The following NTRK3 variants were observed in gnomAD, a reference collection of about 807,000 sequenced individuals.
The protein encoded by NTRK3 is NT-3 growth factor receptor.
A neutral mutation model predicts 91.7 loss-of-function variants in NTRK3; 24 were observed. The ratio of observed to expected loss-of-function variants is 0.26; its 90% CI spans 0.19 to 0.37. The LOEUF is 0.37. NTRK3 is among the 10% of genes least tolerant of loss of function. The pLI, the probability that NTRK3 is intolerant of heterozygous loss-of-function variation, is 1.00. For synonymous variants in NTRK3, 483 were observed against 404.0 expected, an observed-to-expected ratio of 1.20 and a Z score of -2.34; for missense variants, 880 against 1,068.9, an observed-to-expected ratio of 0.82 and a Z score of 2.46.
At chr15:88,110,170 A>G (rs2051172892) in intron 13 of NTRK3, among the ~76,000 whole-genome samples, 1 of 152,104 alleles carries the variant, frequency 6.6e-6, no homozygotes, top group South Asian at 2.1e-4. Flanking sequence ...TCTTAGTGTC[A>G]TGGCATGGAA....
chr15:87,878,397 C>T (rs2065049727), intron 18 of NTRK3, among the ~76,000 whole-genome samples: 1 of 152,202 alleles, frequency 6.6e-6, no homozygotes, highest in Non-Finnish European at 1.5e-5. Context: ...ACTGTGTCAG[C>T]ATCCGCCTGG....
At chr15:88,109,370 G>A (rs2051074285) in intron 13 of NTRK3, among the ~76,000 whole-genome samples, 3 of 152,312 alleles carry the variant, frequency 2.0e-5, no homozygotes, top group African/African-American at 7.2e-5. Context: ...TCGAATCGTG[G>A]TCCTTCATCC....
chr15:87,979,211 C>T lies in NTRK3; in HGVS notation c.1586-38458G>A, dbSNP rs532332768. The T allele has an allele frequency of 2.5e-5, 19 of 767,748 alleles. 1 individual carries two copies. The Middle Eastern group carries it at 7.5e-4, about 30-fold the overall frequency. The allele number at this position is 767,748 out of a possible 1,614,324, so 47.6% of individuals were successfully genotyped here. On this transcript the variant is annotated intron_variant, in intron 14 of 18. Coordinates refer to ENST00000394480, the Ensembl canonical transcript of NTRK3. ...CCCATCTGGTGGTGTTAAAGGGTGC[C>T]GGGGCACTGGTGGCTCATGCAGTTT...
At chr15:88,196,504 A>T (rs533918048) in intron 3 of NTRK3, among the ~76,000 whole-genome samples, 4 of 152,314 alleles carry the variant, frequency 2.6e-5, no homozygotes, top group Non-Finnish European at 5.9e-5. Flanking sequence ...CACTGAGAGG[A>T]ACACCTACTT....
At chr15:88,169,236 T>C (rs2045285723) in intron 5 of NTRK3, among the ~76,000 whole-genome samples, 1 of 152,176 alleles carries the variant, frequency 6.6e-6, no homozygotes. Flanking sequence ...GTTCATATCC[T>C]AAGAACATCA....
At chr15:88,110,700 A>G (rs2051247297) in intron 13 of NTRK3, among the ~76,000 whole-genome samples, 1 of 152,220 alleles carries the variant, frequency 6.6e-6, no homozygotes, top group African/African-American at 2.4e-5. Context: ...GAGGAACCTC[A>G]GTCTTAGGGA....
intron 14 of NTRK3, among the ~76,000 whole-genome samples, chr15:87,942,534 T>C (rs943521745): frequency 1.8e-4 from 27 of 152,184 alleles, no homozygotes; most frequent in African/African-American, 4.8e-4. Context: ...ACATAGGTTC[T>C]GCAAGGTGAG....
rs566246758 is a variant in NTRK3 at position 88,250,894 on chromosome 15, CA to C, written c.248+5011del. Among the ~76,000 whole-genome samples, 211 of 152,340 alleles carry C rather than the reference CA, an allele frequency of 1.4e-3. 1 individual carries two copies. The highest frequency in any genetic ancestry group is 4.8e-3 in the African/African-American group (198 of 41,578). ...AATATGAAATATCCTCTTTTCTAGG[CA>C]AAAATAATTTGCAATAGAAGTTCCA... On this transcript the variant is annotated intron_variant, in intron 3 of 18. Transcript: ENST00000394480.
chr15:88,006,771 C>A (rs1278639176), intron 14 of NTRK3, among the ~76,000 whole-genome samples: 2 of 152,204 alleles, frequency 1.3e-5, no homozygotes, highest in Non-Finnish European at 2.9e-5. Context: ...CGCAGAGGCA[C>A]ACAGCTGGGC....
chr15:87,948,761 A>G (rs1018522375), intron 14 of NTRK3, among the ~76,000 whole-genome samples: 6 of 152,234 alleles, frequency 3.9e-5, no homozygotes, highest in South Asian at 4.1e-4. Context: ...AATGGATTCC[A>G]GGTTGAATGA....
At chr15:88,195,093 C>T (rs945068667) in intron 3 of NTRK3, among the ~76,000 whole-genome samples, 13 of 152,150 alleles carry the variant, frequency 8.5e-5, no homozygotes, top group South Asian at 2.1e-4. Context: ...ACTATTGGGG[C>T]GGTGCCACTG....
intron 13 of NTRK3, among the ~76,000 whole-genome samples, chr15:88,095,450 G>A (rs1043561674): frequency 6.6e-6 from 1 of 152,200 alleles, no homozygotes; most frequent in Non-Finnish European, 1.5e-5. Context: ...CACTTACAGG[G>A]TGTCAATGTT....
intron 3 of NTRK3, among the ~76,000 whole-genome samples, chr15:88,185,553 A>T (rs2046876173): frequency 6.6e-6 from 1 of 152,166 alleles, no homozygotes; most frequent in Non-Finnish European, 1.5e-5. Context: ...GCACCAAAGG[A>T]TCTCGGGAAA....
At chr15:88,245,270 T>G (rs751326598) in intron 3 of NTRK3, among the ~76,000 whole-genome samples, 3 of 152,204 alleles carry the variant, frequency 2.0e-5, no homozygotes, top group Admixed American at 6.5e-5. Context: ...GCTTGGCTTC[T>G]GTGGAGCCAT....
chr15:87,890,608 C>CAT (rs60671325), intron 17 of NTRK3, among the ~76,000 whole-genome samples: 5 of 146,464 alleles, frequency 3.4e-5, no homozygotes, highest in African/African-American at 1.2e-4. Context: ...CACACACACA[C>CAT]TTGAAGTGTT....
intron 14 of NTRK3, among the ~76,000 whole-genome samples, chr15:87,953,949 A>T (rs933775918): frequency 6.7e-6 from 1 of 149,410 alleles, no homozygotes; most frequent in Non-Finnish European, 1.5e-5. Context: ...ATCGACCTCC[A>T]TTGCCAGCCT....
At chr15:87,866,833 T>A (rs970469174) in exon 19 of NTRK3, 2 of 203,578 alleles carry the variant, frequency 9.8e-6, no homozygotes, top group Admixed American at 1.2e-4. Flanking sequence ...AAGATTTGGA[T>A]GCTGCTGCAA....
intron 3 of NTRK3, among the ~76,000 whole-genome samples, chr15:88,196,708 T>C (rs572204206): frequency 6.6e-6 from 1 of 152,324 alleles, no homozygotes; most frequent in African/African-American, 2.4e-5. Context: ...TGCCACCCAA[T>C]TCCTTTCCTC....
chr15:88,228,768 T>C (rs1310706752), intron 3 of NTRK3, among the ~76,000 whole-genome samples: 2 of 152,328 alleles, frequency 1.3e-5, no homozygotes, highest in South Asian at 2.1e-4. Flanking sequence ...ACAAGCTCTC[T>C]AGATATGGCA....
Sources: gnomAD v4.1 joint callset for allele counts (sites outside exome capture counted in the v4.1 genomes callset) on GRCh38, gnomAD v4.1.1 for gene constraint, MANE v1.5 for transcripts, NCBI Gene and HGNC (gene_info 2026-07-23, HGNC 2026-07-21) for gene names.